Variants in ENOX2 observed in about 807,000 individuals in gnomAD.
ENOX2 encodes ecto-NOX disulfide-thiol exchanger 2.
ENOX2 carries 36 observed loss-of-function variants against 45.0 expected under a neutral mutation model. The observed-to-expected ratio is 0.80, with a 90% CI of 0.61 to 1.06. ENOX2 has a LOEUF of 1.06. Among genes scored for constraint, ENOX2 ranks in the 50% least tolerant of loss-of-function variants. The probability of loss-of-function intolerance (pLI) is 0.00; values close to 1 mark genes in which losing one functional copy is unlikely to be tolerated. For synonymous variants in ENOX2, 174 were observed against 152.3 expected, an observed-to-expected ratio of 1.14 and a Z score of -1.05; for missense variants, 423 against 462.5, an observed-to-expected ratio of 0.91 and a Z score of 0.78.
chrX:130,716,546 G>A (rs974249077), intron 3 of ENOX2, among the ~76,000 whole-genome samples: 1 of 112,009 alleles, frequency 8.9e-6, no homozygotes, highest in African/African-American at 3.2e-5. Flanking sequence ...GGGGTAGGCA[G>A]GAGAAGAACC....
At chrX:130,837,552 C>A (rs1319507072) in intron 2 of ENOX2, among the ~76,000 whole-genome samples, 1 of 111,692 alleles carries the variant, frequency 9.0e-6, no homozygotes, top group Non-Finnish European at 1.9e-5. Flanking sequence ...ATGTTCAGGA[C>A]TGGAAAAGTC....
chrX:130,703,212 G>A lies in ENOX2; in HGVS notation c.5C>T (p.Thr2Ile). 8.3e-7 allele frequency: 1 copy of A among 1,202,342 alleles called. No individual in the cohort carries two copies. The highest frequency in any genetic ancestry group is 1.1e-6 in the Non-Finnish European group (1 of 889,050). Residue 2 changes from threonine to isoleucine, a missense_variant, in exon 4 of 15, where the codon ACA becomes ATA. Coordinates refer to ENST00000394363, the MANE Select transcript of ENOX2 (RefSeq NM_006375.4). MTLPMSDPTAWA... is the reference protein window; with the variant it reads MILPMSDPTAWA... ...TGCAGTTGGATCAGACATAGGTAGT[G>A]TCATTGCAGTGGAATCCACGTTCAG...
intron 3 of ENOX2, among the ~76,000 whole-genome samples, chrX:130,773,389 G>A (rs2039785230): frequency 9.0e-6 from 1 of 111,627 alleles, no homozygotes; most frequent in East Asian, 2.8e-4. Flanking sequence ...GTTGTCGCCT[G>A]GAAAAATTTC....
intron 2 of ENOX2, among the ~76,000 whole-genome samples, chrX:130,884,424 G>A: frequency 9.0e-6 from 1 of 111,560 alleles, no homozygotes; most frequent in East Asian, 2.8e-4. Flanking sequence ...AAATGCTGAA[G>A]AAGAGTTGTC....
At chrX:130,755,429 C>G in intron 3 of ENOX2, among the ~76,000 whole-genome samples, 1 of 111,309 alleles carries the variant, frequency 9.0e-6, no homozygotes. Context: ...CTAAATAGCA[C>G]TGGAATCAGG....
intron 3 of ENOX2, among the ~76,000 whole-genome samples, chrX:130,727,846 C>G (rs764561042): frequency 2.7e-5 from 3 of 111,842 alleles, no homozygotes; most frequent in Admixed American, 9.5e-5. Context: ...ACTCAGAATA[C>G]GAGCTAGGGC....
chrX:130,806,298 T>C (rs2077299588), intron 2 of ENOX2, among the ~76,000 whole-genome samples: 1 of 112,276 alleles, frequency 8.9e-6, no homozygotes, highest in Non-Finnish European at 1.9e-5. Context: ...GACTGAGAAT[T>C]TGTACCACTG....
chrX:130,815,404 C>T (rs2077465414), intron 2 of ENOX2, among the ~76,000 whole-genome samples: 1 of 111,563 alleles, frequency 9.0e-6, no homozygotes, highest in Non-Finnish European at 1.9e-5. Context: ...GAGAACACCA[C>T]AAAGATACTC....
intron 2 of ENOX2, among the ~76,000 whole-genome samples, chrX:130,786,726 C>T (rs1429405156): frequency 1.2e-5 from 1 of 82,140 alleles, no homozygotes; most frequent in Non-Finnish European, 2.3e-5. Context: ...CTACAAAGGA[C>T]ATGAACTCAT....
intron 4 of ENOX2, among the ~76,000 whole-genome samples, chrX:130,694,002 A>T (rs2037686035): frequency 8.9e-6 from 1 of 111,877 alleles, no homozygotes; most frequent in Non-Finnish European, 1.9e-5. Context: ...GTCCTTACCA[A>T]GGTGCCATGC....
intron 12 of ENOX2, among the ~76,000 whole-genome samples, chrX:130,632,089 G>A (rs965326386): frequency 1.8e-5 from 2 of 111,133 alleles, no homozygotes; most frequent in East Asian, 5.6e-4. Flanking sequence ...GACAATCTAC[G>A]TTGGCTACAC....
At position 130,901,733 on chromosome X, in the gene ENOX2, T is replaced by C. The variant is rs1033548255; in HGVS notation, c.-230-2A>G. 8.9e-6 allele frequency: 1 copy of C among 112,319 alleles called. No individual in the cohort carries two copies. Among genetic ancestry groups the C allele is most frequent in the Non-Finnish European group, 1.9e-5 (1 of 53,231 alleles). 9.3% of individuals were successfully genotyped at this position (112,319 alleles called of 1,213,427 possible). A position where few individuals can be genotyped will look rare whatever the true frequency, so the allele number is the denominator to read the frequency against. On this transcript the variant is annotated splice_acceptor_variant, in intron 1 of 14. Coordinates refer to ENST00000394363, the MANE Select transcript of ENOX2 (RefSeq NM_006375.4). LOFTEE classifies it low-confidence loss of function (5UTR_SPLICE). ...AGAATTGATCTCAAATCAGGTTCCC[T>C]AGGATGAAAAGAAAAATCATCCAAT...
intron 7 of ENOX2, 33 bp from the exon 8 acceptor site, chrX:130,667,775 G>T: frequency 9.1e-7 from 1 of 1,096,033 alleles, no homozygotes. Flanking sequence ...ACCAACAAAG[G>T]TAACCAAATT....
chrX:130,837,657 C>T (rs1007794112), intron 2 of ENOX2, among the ~76,000 whole-genome samples: 1 of 111,483 alleles, frequency 9.0e-6, no homozygotes, highest in Admixed American at 9.5e-5. Flanking sequence ...CCTATGGCTA[C>T]CTGGGTTCAT....
intron 3 of ENOX2, among the ~76,000 whole-genome samples, chrX:130,707,663 C>G (rs918501547): frequency 8.9e-6 from 1 of 111,907 alleles, no homozygotes; most frequent in African/African-American, 3.3e-5. Context: ...CTACAATTCT[C>G]TTTCTTATGT....
At chrX:130,651,378 C>A (rs1185836909) in intron 10 of ENOX2, among the ~76,000 whole-genome samples, 1 of 112,266 alleles carries the variant, frequency 8.9e-6, no homozygotes, top group East Asian at 2.8e-4. Context: ...GCTCTCTTTC[C>A]TTGCTGGGAT....
intron 10 of ENOX2, among the ~76,000 whole-genome samples, chrX:130,641,718 CAAAAAAAA>C (rs753792308): frequency 2.9e-5 from 1 of 34,717 alleles, no homozygotes; most frequent in Non-Finnish European, 5.1e-5. Context: ...ACTCCATCTC[CAAAAAAAA>C]AAAAAAAAAA....
intron 4 of ENOX2, among the ~76,000 whole-genome samples, chrX:130,691,125 G>T (rs752577149): frequency 1.0e-5 from 1 of 96,476 alleles, no homozygotes; most frequent in South Asian, 6.2e-4. Flanking sequence ...GTTATGTGAT[G>T]TTGAAGAAAG....
At chrX:130,811,980 G>A (rs1213643325) in intron 2 of ENOX2, among the ~76,000 whole-genome samples, 2 of 111,642 alleles carry the variant, frequency 1.8e-5, no homozygotes, top group African/African-American at 6.5e-5. Context: ...AGGAGAATGT[G>A]TGAACTTGAA....
Sources: allele counts gnomAD v4.1 joint callset (sites outside exome capture counted in the v4.1 genomes callset), GRCh38; gene constraint gnomAD v4.1.1; transcripts MANE v1.5; gene names NCBI Gene and HGNC (gene_info 2026-07-23, HGNC 2026-07-21).